The following CADPS2 variants were observed in gnomAD, a reference collection of about 807,000 sequenced individuals.
CADPS2 encodes the protein calcium dependent secretion activator 2.
A neutral mutation model predicts 172.5 loss-of-function variants in CADPS2; 93 were observed. The ratio of observed to expected loss-of-function variants is 0.54; its 90% CI spans 0.46 to 0.64. The LOEUF (loss-of-function observed/expected upper bound fraction) is 0.64, where lower values mean the gene tolerates loss of function less well. CADPS2 is among the 30% of genes least tolerant of loss of function. The pLI is 0.00. For missense variants in CADPS2, 1,420 were observed against 1,565.9 expected (o/e 0.91, Z 1.57); for synonymous variants, 546 against 555.2 (o/e 0.98, Z 0.23).
intron 1 of CADPS2, among the ~76,000 whole-genome samples, chr7:122,814,661 CAG>C (rs1358114493): frequency 6.6e-6 from 1 of 152,088 alleles, no homozygotes; most frequent in African/African-American, 2.4e-5. Flanking sequence ...ACTGTCAAGA[CAG>C]AGACAATCTG....
chr7:122,529,946 C>T (rs1419558588), intron 8 of CADPS2, among the ~76,000 whole-genome samples: 1 of 151,954 alleles, frequency 6.6e-6, no homozygotes, highest in Non-Finnish European at 1.5e-5. Flanking sequence ...TTTTTTATTT[C>T]CTTCCTTTGA....
intron 1 of CADPS2, among the ~76,000 whole-genome samples, chr7:122,800,704 T>A (rs1184292644): frequency 2.6e-5 from 4 of 152,082 alleles, no homozygotes; most frequent in Non-Finnish European, 5.9e-5. Context: ...AAACAAAAAA[T>A]TCAGCTGGGT....
chr7:122,708,830 C>G (rs2088122799), intron 2 of CADPS2, among the ~76,000 whole-genome samples: 1 of 151,628 alleles, frequency 6.6e-6, no homozygotes, highest in Non-Finnish European at 1.5e-5. Context: ...ATTATTACTA[C>G]TCTGGGAAGT....
chr7:122,385,505 A>G (rs1455518082), intron 24 of CADPS2, among the ~76,000 whole-genome samples: 1 of 152,026 alleles, frequency 6.6e-6, no homozygotes, highest in Non-Finnish European at 1.5e-5. Context: ...TTTGATTCCC[A>G]ATTGTCAACT....
intron 6 of CADPS2, among the ~76,000 whole-genome samples, chr7:122,590,350 T>C (rs2070586670): frequency 6.6e-6 from 1 of 151,934 alleles, no homozygotes; most frequent in Non-Finnish European, 1.5e-5. Flanking sequence ...TGCATATTTA[T>C]TAGTCATTTA....
chr7:122,604,715 C>A (rs2073266192), intron 6 of CADPS2, among the ~76,000 whole-genome samples: 1 of 152,084 alleles, frequency 6.6e-6, no homozygotes. Flanking sequence ...TAAGTGGTCA[C>A]CTAGAAATTT....
chr7:122,548,829 A>G (rs1373129827), intron 8 of CADPS2, among the ~76,000 whole-genome samples: 3 of 152,138 alleles, frequency 2.0e-5, no homozygotes, highest in African/African-American at 4.8e-5. Flanking sequence ...CCCTTATGTA[A>G]TATTTTCATT....
chr7:122,840,196 G>A (rs144858210), intron 1 of CADPS2, among the ~76,000 whole-genome samples: 3,891 of 152,086 alleles, frequency 0.026, 82 homozygotes, highest in Non-Finnish European at 0.041. Context: ...ACCAAATACC[G>A]CATGTTCTCA....
At chr7:122,576,923 A>G (rs2068124332) in intron 7 of CADPS2, among the ~76,000 whole-genome samples, 1 of 151,572 alleles carries the variant, frequency 6.6e-6, no homozygotes, top group African/African-American at 2.4e-5. Flanking sequence ...CCACGCCTGG[A>G]TAATTTTTTG....
intron 2 of CADPS2, among the ~76,000 whole-genome samples, chr7:122,673,530 G>C (rs763069140): frequency 3.7e-4 from 56 of 152,048 alleles, no homozygotes; most frequent in Middle Eastern, 6.8e-3. Context: ...CTCCAAGCCA[G>C]ATTAGCTAGA....
chr7:122,746,738 G>C (rs1380054257), intron 1 of CADPS2, among the ~76,000 whole-genome samples: 1 of 152,076 alleles, frequency 6.6e-6, no homozygotes, highest in Non-Finnish European at 1.5e-5. Context: ...CTGTGGGCCA[G>C]ACAAGCTTGC....
chr7:122,668,464 AC>A (rs1436275218), intron 2 of CADPS2, among the ~76,000 whole-genome samples: 2 of 152,036 alleles, frequency 1.3e-5, no homozygotes, highest in Non-Finnish European at 2.9e-5. Flanking sequence ...TGAAATGCCT[AC>A]ATTTTAAAAT....
rs183287784 is a variant in CADPS2 at position 122,572,362 on chromosome 7, T to C, written c.1335+8817A>G. Among the ~76,000 whole-genome samples, 22 of 152,246 alleles carry C rather than the reference T, an allele frequency of 1.4e-4. No individual in the cohort carries two copies. In the East Asian group the frequency reaches 3.9e-3, roughly 27 times the overall value. On this transcript the variant is annotated intron_variant, in intron 7 of 29. Transcript: ENST00000449022. The stretch of plus-strand genomic sequence containing the variant: ...TTCTTCATGAGACTTTATAGTTTTA[T>C]CTATGCTTTCCCCATCCCCATGGAA...
chr7:122,816,779 C>G (rs962523759), intron 1 of CADPS2, among the ~76,000 whole-genome samples: 10 of 152,142 alleles, frequency 6.6e-5, no homozygotes, highest in Non-Finnish European at 8.8e-5. Flanking sequence ...GTGACTTGCA[C>G]GTATATGCCC....
rs554465804 is a variant in CADPS2 at position 122,558,346 on chromosome 7, T to G, written c.1336-3657A>C. ...TCCTTCTGTATCCTAAATTCGCATT[T>G]AAATTAAACTATAGCTCTGTACAAA... On this transcript the variant is annotated intron_variant, in intron 7 of 29. Transcript: ENST00000449022. Among the ~76,000 whole-genome samples the G allele has an allele frequency of 9.7e-4, 148 of 152,308 alleles. 1 individual carries two copies. Among genetic ancestry groups the G allele is most frequent in the Non-Finnish European group, 1.7e-3 (116 of 68,026 alleles).
chr7:122,555,913 T>C (rs1186204855), intron 7 of CADPS2, among the ~76,000 whole-genome samples: 1 of 151,990 alleles, frequency 6.6e-6, no homozygotes. Context: ...CACTGAGAAA[T>C]CTTTAAGCAA....
At position 122,393,195 on chromosome 7, in the gene CADPS2, C is replaced by A; in HGVS notation, c.3008+1G>T. The A allele has an allele frequency of 6.2e-7, 1 of 1,613,292 alleles. No individual in the cohort carries two copies. The highest frequency in any genetic ancestry group is 8.5e-7 in the Non-Finnish European group (1 of 1,179,628). On this transcript the variant is annotated splice_donor_variant, in intron 22 of 29. Coordinates refer to ENST00000449022, the MANE Select transcript of CADPS2 (RefSeq NM_017954.11). LOFTEE classifies it high-confidence loss of function. Reference sequence around the variant, plus strand: ...CCAGGAAATAAGTGAGGAATACACACGTGGACTCATATAAAGAAGGCATCC... The same window carrying A: ...CCAGGAAATAAGTGAGGAATACACAAGTGGACTCATATAAAGAAGGCATCC...
intron 1 of CADPS2, among the ~76,000 whole-genome samples, chr7:122,770,232 T>C (rs1157433715): frequency 6.6e-6 from 1 of 152,180 alleles, no homozygotes; most frequent in East Asian, 1.9e-4. Context: ...CTTTTCCTTC[T>C]TTCCTACCCC....
chr7:122,462,357 T>C (rs1007298400), intron 14 of CADPS2, among the ~76,000 whole-genome samples: 11 of 141,146 alleles, frequency 7.8e-5, no homozygotes, highest in African/African-American at 3.0e-4. Context: ...TTGGAAAATA[T>C]AAACTGTTAA....
Sources: allele counts gnomAD v4.1 joint callset (sites outside exome capture counted in the v4.1 genomes callset), GRCh38; gene constraint gnomAD v4.1.1; transcripts MANE v1.5; gene names NCBI Gene and HGNC (gene_info 2026-07-23, HGNC 2026-07-21).